The following PDE3A variants were observed in gnomAD, a reference collection of about 807,000 sequenced individuals.
PDE3A encodes the protein cGMP-inhibited 3',5'-cyclic phosphodiesterase 3A.
In PDE3A, 43 loss-of-function variants were observed where a neutral mutation model predicts 98.3. The ratio of observed to expected loss-of-function variants is 0.44; its 90% CI spans 0.34 to 0.56. PDE3A has a LOEUF of 0.56. PDE3A is among the 20% of genes least tolerant of loss of function. The pLI, the probability that PDE3A is intolerant of heterozygous loss-of-function variation, is 0.01. For synonymous variants in PDE3A, 663 were observed against 567.9 expected, an observed-to-expected ratio of 1.17 and a Z score of -2.38; for missense variants, 1,427 against 1,440.7, an observed-to-expected ratio of 0.99 and a Z score of 0.15.
In PDE3A at chr12:20,685,563, C is replaced by T. The variant is rs1360419444; in HGVS notation, c.*5292C>T. ...TCAGTGTAGGTAAGACCATAAAATA[C>T]AGTGTATAGAATTATATATAAATGG... On this transcript the variant is annotated 3_prime_UTR_variant, in exon 16 of 16. Transcript: ENST00000359062. Among the ~76,000 whole-genome samples the T allele has an allele frequency of 6.6e-6, 1 of 151,834 alleles. No homozygotes were observed. Among genetic ancestry groups the T allele is most frequent in the Non-Finnish European group, 1.5e-5 (1 of 67,998 alleles).
chr12:20,668,153 C>A (rs193116441), intron 15 of PDE3A, among the ~76,000 whole-genome samples: 1 of 150,818 alleles, frequency 6.6e-6, no homozygotes, highest in East Asian at 2.0e-4. Context: ...GCTTAAAAAA[C>A]GGCGCACCAT....
chr12:20,655,232 G>T (rs920633678), intron 15 of PDE3A, among the ~76,000 whole-genome samples: 10 of 152,088 alleles, frequency 6.6e-5, no homozygotes, highest in Non-Finnish European at 1.5e-4. Context: ...GATATCCAGG[G>T]ATAGGAAAGA....
chr12:20,621,183 C>T, intron 4 of PDE3A, 113 bp from the exon 5 acceptor site: 2 of 653,668 alleles, frequency 3.1e-6, no homozygotes, highest in Non-Finnish European at 5.5e-6. Flanking sequence ...AACCAATACT[C>T]AGATTGGCAA....
chr12:20,640,400 T>G (rs1191338350), intron 10 of PDE3A, among the ~76,000 whole-genome samples: 1 of 152,154 alleles, frequency 6.6e-6, no homozygotes, highest in Non-Finnish European at 1.5e-5. Context: ...TCAACTTTTG[T>G]TGTGGCATCT....
intron 1 of PDE3A, among the ~76,000 whole-genome samples, chr12:20,375,221 C>A (rs1244336433): frequency 1.3e-5 from 2 of 151,916 alleles, no homozygotes; most frequent in Non-Finnish European, 2.9e-5. Flanking sequence ...ATTCTTGCAC[C>A]TAAAGATGTG....
intron 1 of PDE3A, among the ~76,000 whole-genome samples, chr12:20,481,738 C>T (rs886961083): frequency 1.4e-5 from 2 of 140,056 alleles, no homozygotes; most frequent in African/African-American, 5.4e-5. Flanking sequence ...TATTCAGATT[C>T]TCCATGTAAG....
At chr12:20,417,286 G>A (rs1298108634) in intron 1 of PDE3A, among the ~76,000 whole-genome samples, 2 of 152,076 alleles carry the variant, frequency 1.3e-5, no homozygotes, top group African/African-American at 2.4e-5. Context: ...AAGGTCATTC[G>A]AAGTCTTATA....
Position 20,556,158 on chromosome 12 carries a change from C to T in PDE3A, c.961-502C>T, listed in dbSNP as rs552855916. 1.4e-4 allele frequency among the ~76,000 whole-genome samples: 21 copies of T among 152,150 alleles called. No homozygotes were observed. The South Asian group carries it at 2.7e-3, about 20-fold the overall frequency. ...TTTATAGGTTATTATTAAAAATCTA[C>T]GTTTTGTGACTATGTGGGCATATTT... On this transcript the variant is annotated intron_variant, in intron 1 of 15. Coordinates refer to ENST00000359062, the MANE Select transcript of PDE3A (RefSeq NM_000921.5).
At chr12:20,568,853 G>T (rs1193278588) in intron 2 of PDE3A, among the ~76,000 whole-genome samples, 2 of 151,930 alleles carry the variant, frequency 1.3e-5, no homozygotes, top group African/African-American at 4.8e-5. Flanking sequence ...AAGTAGTTTA[G>T]AGAGCATGGA....
At chr12:20,544,874 A>G (rs1942009756) in intron 1 of PDE3A, among the ~76,000 whole-genome samples, 1 of 151,982 alleles carries the variant, frequency 6.6e-6, no homozygotes, top group South Asian at 2.1e-4. Context: ...ATCTCTCTTG[A>G]AACAAAAAAG....
In PDE3A at chr12:20,475,367, C is replaced by T. The variant is rs202071492; in HGVS notation, c.961-81293C>T. 1.4e-4 allele frequency among the ~76,000 whole-genome samples: 21 copies of T among 152,164 alleles called. 1 individual carries two copies. The East Asian group carries it at 3.9e-3, about 28-fold the overall frequency. On this transcript the variant is annotated intron_variant, in intron 1 of 15. Coordinates refer to ENST00000359062, the MANE Select transcript of PDE3A (RefSeq NM_000921.5). The stretch of plus-strand genomic sequence containing the variant: ...GTTCTATGGCATAATCTTAGTAAAG[C>T]GTTTTAAAAACAAAAAGATACGGAG...
At chr12:20,642,912 A>G (rs1944677554) in intron 10 of PDE3A, among the ~76,000 whole-genome samples, 1 of 152,190 alleles carries the variant, frequency 6.6e-6, no homozygotes, top group South Asian at 2.1e-4. Flanking sequence ...CATAGACAAA[A>G]TTTTAAATAC....
chr12:20,553,690 G>A (rs1395682567), intron 1 of PDE3A, among the ~76,000 whole-genome samples: 1 of 152,226 alleles, frequency 6.6e-6, no homozygotes, highest in Non-Finnish European at 1.5e-5. Context: ...TGGCCTCAAG[G>A]GGACTCCGCT....
At chr12:20,663,251 C>T (rs904339198) in intron 15 of PDE3A, among the ~76,000 whole-genome samples, 1 of 152,328 alleles carries the variant, frequency 6.6e-6, no homozygotes, top group East Asian at 1.9e-4. Flanking sequence ...TCATGGAGAA[C>T]CTCTGCTAGG....
At chr12:20,481,924 C>T (rs1945636997) in intron 1 of PDE3A, among the ~76,000 whole-genome samples, 1 of 150,388 alleles carries the variant, frequency 6.6e-6, no homozygotes, top group Non-Finnish European at 1.5e-5. Context: ...GCCACCACGC[C>T]CAGCTAATTT....
intron 1 of PDE3A, among the ~76,000 whole-genome samples, chr12:20,445,273 G>C (rs1201852033): frequency 6.6e-6 from 1 of 152,054 alleles, no homozygotes; most frequent in Non-Finnish European, 1.5e-5. Context: ...CTTTTTCCCT[G>C]CTTTGTCCTG....
At chr12:20,630,474 T>C (rs1944354268) in intron 6 of PDE3A, among the ~76,000 whole-genome samples, 1 of 152,200 alleles carries the variant, frequency 6.6e-6, no homozygotes, top group Non-Finnish European at 1.5e-5. Flanking sequence ...TGTTGGAATG[T>C]TTGTACTTGT....
At chr12:20,630,736 G>T (rs1462986262) in intron 6 of PDE3A, among the ~76,000 whole-genome samples, 1 of 152,094 alleles carries the variant, frequency 6.6e-6, no homozygotes, top group Non-Finnish European at 1.5e-5. Context: ...TGCCAATGTT[G>T]TCACGAAGAA....
chr12:20,674,266 G>A (rs1268492028), intron 15 of PDE3A, among the ~76,000 whole-genome samples: 1 of 152,112 alleles, frequency 6.6e-6, no homozygotes, highest in Non-Finnish European at 1.5e-5. Flanking sequence ...TACAAAGAGG[G>A]ACAATTTGAC....
Sources: allele counts gnomAD v4.1 joint callset (sites outside exome capture counted in the v4.1 genomes callset), GRCh38; gene constraint gnomAD v4.1.1; transcripts MANE v1.5; gene names NCBI Gene and HGNC (gene_info 2026-07-23, HGNC 2026-07-21).